The following YES1 variants were observed in gnomAD, a reference collection of about 807,000 sequenced individuals.
YES1 encodes YES proto-oncogene 1, Src family tyrosine kinase, also known as tyrosine-protein kinase Yes.
YES1 carries 39 observed loss-of-function variants against 70.4 expected under a neutral mutation model. That is an observed-to-expected ratio of 0.55 (90% CI 0.43 to 0.72). YES1 has a LOEUF of 0.72. YES1 is among the 30% of genes least tolerant of loss of function. YES1 has a pLI of 0.00. For synonymous variants in YES1, 198 were observed against 218.6 expected (o/e 0.91, Z 0.83); for missense variants, 495 against 644.8 (o/e 0.77, Z 2.52).
intron 1 of YES1, among the ~76,000 whole-genome samples, chr18:792,549 CTCT>C (rs1568216862): frequency 2.3e-5 from 3 of 132,968 alleles, no homozygotes; most frequent in African/African-American, 9.3e-5. Context: ...CTCTCTCTCT[CTCT>C]CTCCCTCTGT....
intron 1 of YES1, among the ~76,000 whole-genome samples, chr18:774,890 C>G (rs1302357104): frequency 6.6e-6 from 1 of 152,180 alleles, no homozygotes; most frequent in Non-Finnish European, 1.5e-5. Context: ...CAGCCTTCAA[C>G]TCCTACTACT....
Position 739,800 on chromosome 18 carries a change from C to A in YES1, c.1072G>T (p.Asp358Tyr), listed in dbSNP as rs1432620928. 1 of 1,610,042 alleles carries A rather than the reference C, an allele frequency of 6.2e-7. No individual in the cohort carries two copies. The highest frequency in any genetic ancestry group is 8.5e-7 in the Non-Finnish European group (1 of 1,179,010). Residue 358 changes from aspartate (D) to tyrosine (Y), a missense_variant, in exon 9 of 12, where the codon GAT (aspartate) becomes TAT (tyrosine). Transcript: ENST00000314574. ...TEFMSKGSLL[D>Y]FLKEGDGKYL... ...TTTCCATCTCCTTCCTTAAGGAAAT[C>A]TAATAAGCTTCCTGTAACAGACAGC...
chr18:791,657 T>A (rs1229211637), intron 1 of YES1, among the ~76,000 whole-genome samples: 1 of 152,202 alleles, frequency 6.6e-6, no homozygotes, highest in African/African-American at 2.4e-5. Flanking sequence ...AGAAAGAGAT[T>A]AATTTTAATA....
At chr18:807,677 G>A (rs1907167159) in intron 1 of YES1, among the ~76,000 whole-genome samples, 1 of 152,092 alleles carries the variant, frequency 6.6e-6, no homozygotes, top group South Asian at 2.1e-4. Flanking sequence ...CTTCTCAAAC[G>A]CCAGGGATAA....
At chr18:762,719 C>G (rs1568203121) in intron 1 of YES1, among the ~76,000 whole-genome samples, 1 of 152,098 alleles carries the variant, frequency 6.6e-6, no homozygotes, top group Non-Finnish European at 1.5e-5. Flanking sequence ...ATAATTCATC[C>G]ATTTAACCGA....
chr18:748,823 C>G (rs895443745), intron 3 of YES1, among the ~76,000 whole-genome samples: 1 of 151,996 alleles, frequency 6.6e-6, no homozygotes, highest in Non-Finnish European at 1.5e-5. Flanking sequence ...AATGCTCTAA[C>G]ATTCCTGTAG....
At chr18:784,465 T>C (rs778102217) in intron 1 of YES1, among the ~76,000 whole-genome samples, 8 of 152,230 alleles carry the variant, frequency 5.3e-5, no homozygotes, top group Non-Finnish European at 1.0e-4. Flanking sequence ...GTCTATTAAT[T>C]ATTGCTGCTA....
At chr18:733,973 T>G (rs568936373) in intron 10 of YES1, among the ~76,000 whole-genome samples, 22 of 152,268 alleles carry the variant, frequency 1.4e-4, no homozygotes, top group Admixed American at 5.9e-4. Context: ...CATTACAAAA[T>G]GTTTTATTTA....
At chr18:747,524 C>T (rs144830903) in intron 4 of YES1, among the ~76,000 whole-genome samples, 236 of 152,154 alleles carry the variant, frequency 1.6e-3, no homozygotes, top group Non-Finnish European at 2.7e-3. Context: ...CATATATATA[C>T]CAATATACCC....
chr18:740,794 T>A (rs980363828), intron 8 of YES1, among the ~76,000 whole-genome samples: 1 of 152,258 alleles, frequency 6.6e-6, no homozygotes, highest in Non-Finnish European at 1.5e-5. Flanking sequence ...AATTTTACCA[T>A]GTTCTCCCAA....
intron 2 of YES1, 139 bp from the exon 3 acceptor site, chr18:751,943 G>C (rs1429162278): frequency 2.8e-5 from 18 of 638,300 alleles, no homozygotes; most frequent in Non-Finnish European, 4.7e-5. Flanking sequence ...TTAGAAGTTG[G>C]AACTACTGAA....
chr18:810,113 G>A (rs577364583), intron 1 of YES1, among the ~76,000 whole-genome samples: 2 of 151,384 alleles, frequency 1.3e-5, no homozygotes, highest in African/African-American at 4.9e-5. Flanking sequence ...AATGCTAATA[G>A]AATAAACGAT....
At chr18:794,759 CT>C (rs1484995068) in intron 1 of YES1, among the ~76,000 whole-genome samples, 1 of 152,176 alleles carries the variant, frequency 6.6e-6, no homozygotes, top group African/African-American at 2.4e-5. Flanking sequence ...ATTTCTGCCT[CT>C]GTTGTCACAA....
chr18:787,271 T>C (rs1906010080), intron 1 of YES1, among the ~76,000 whole-genome samples: 1 of 151,428 alleles, frequency 6.6e-6, no homozygotes, highest in Non-Finnish European at 1.5e-5. Context: ...GGCTAATTTT[T>C]GTATTTTTAG....
At chr18:734,161 C>A (rs929049352) in intron 10 of YES1, among the ~76,000 whole-genome samples, 2 of 151,988 alleles carry the variant, frequency 1.3e-5, no homozygotes, top group Non-Finnish European at 2.9e-5. Flanking sequence ...TGCCTGTAAT[C>A]CCAGCTACTC....
Position 744,593 on chromosome 18 carries a change from T to C in YES1, c.724+1115A>G, listed in dbSNP as rs374449758. On this transcript the variant is annotated intron_variant, in intron 6 of 11. Transcript: ENST00000314574. Reference sequence around the variant, plus strand: ...TTTTAATAGATAGGGTTTTGCCATGTTGCCCAGGCTGGTCTCAAACTCCTG... The same window carrying C: ...TTTTAATAGATAGGGTTTTGCCATGCTGCCCAGGCTGGTCTCAAACTCCTG... Among the ~76,000 whole-genome samples the C allele has an allele frequency of 3.5e-4, 53 of 151,682 alleles. No individual in the cohort carries two copies. The East Asian group carries it at 8.3e-3, about 24-fold the overall frequency.
At chr18:758,486 A>G in intron 1 of YES1, among the ~76,000 whole-genome samples, 1 of 152,082 alleles carries the variant, frequency 6.6e-6, no homozygotes, top group East Asian at 1.9e-4. Flanking sequence ...TTGTTTCCCC[A>G]GTGCATATGC....
intron 4 of YES1, 73 bp downstream of exon 4, chr18:747,847 G>A: frequency 7.3e-7 from 1 of 1,367,334 alleles, no homozygotes; most frequent in South Asian, 1.2e-5. Flanking sequence ...GTGTAAAGTT[G>A]TGGCTAAGTA....
At chr18:796,683 G>A (rs761446313) in intron 1 of YES1, among the ~76,000 whole-genome samples, 14 of 152,106 alleles carry the variant, frequency 9.2e-5, no homozygotes, top group African/African-American at 1.9e-4. Flanking sequence ...ACTTGAACCC[G>A]GGAGGTGGAG....
Sources: gnomAD v4.1 joint callset for allele counts (sites outside exome capture counted in the v4.1 genomes callset) on GRCh38, gnomAD v4.1.1 for gene constraint, MANE v1.5 for transcripts, NCBI Gene and HGNC (gene_info 2026-07-23, HGNC 2026-07-21) for gene names.